PCDH15: variants seen among roughly 807,000 people sequenced by gnomAD.
PCDH15 encodes the protein protocadherin-15.
In PCDH15, 129 loss-of-function variants were observed where a neutral mutation model predicts 178.5. The observed-to-expected ratio is 0.72, with a 90% confidence interval of 0.63 to 0.84. PCDH15 has a LOEUF of 0.84. Among genes scored for constraint, PCDH15 ranks in the 40% least tolerant of loss-of-function variants. PCDH15 has a pLI of 0.00. For synonymous variants in PCDH15, 800 were observed against 732.0 expected (o/e 1.09, Z -1.50); for missense variants, 2,230 against 2,099.9 (o/e 1.06, Z -1.21).
intron 3 of PCDH15, among the ~76,000 whole-genome samples, chr10:54,834,972 C>A (rs1953290204): frequency 1.3e-5 from 2 of 152,112 alleles, no homozygotes; most frequent in Admixed American, 6.6e-5. Context: ...TCATGCAGCA[C>A]ATGGATTGAG....
At chr10:54,583,070 A>AT (rs2091179028) in intron 2 of PCDH15, among the ~76,000 whole-genome samples, 1 of 152,042 alleles carries the variant, frequency 6.6e-6, no homozygotes, top group Non-Finnish European at 1.5e-5. Flanking sequence ...AATCTCTTGC[A>AT]TACCTTTTCT....
chr10:55,004,877 T>C (rs1047560522), intron 2 of PCDH15, among the ~76,000 whole-genome samples: 1 of 152,102 alleles, frequency 6.6e-6, no homozygotes, highest in African/African-American at 2.4e-5. Context: ...AATATGGGGA[T>C]AGTTCCAGTA....
At chr10:54,982,614 A>T (rs1839266393) in intron 2 of PCDH15, among the ~76,000 whole-genome samples, 1 of 152,194 alleles carries the variant, frequency 6.6e-6, no homozygotes, top group Admixed American at 6.5e-5. Context: ...TGAGATGCTA[A>T]AGGATAATGA....
intron 26 of PCDH15, among the ~76,000 whole-genome samples, chr10:53,894,471 C>T (rs1004255914): frequency 6.6e-5 from 10 of 152,146 alleles, no homozygotes; most frequent in African/African-American, 2.2e-4. Flanking sequence ...AGAGAGTTTC[C>T]TCATACTTGG....
At chr10:53,888,304 A>AAG (rs1554845196) in intron 26 of PCDH15, among the ~76,000 whole-genome samples, 1 of 88,976 alleles carries the variant, frequency 1.1e-5, no homozygotes, top group Non-Finnish European at 2.0e-5. Flanking sequence ...ATATATATAT[A>AAG]TATATGTATA....
chr10:54,202,704 C>T (rs1009136072), intron 10 of PCDH15, among the ~76,000 whole-genome samples: 6 of 149,904 alleles, frequency 4.0e-5, no homozygotes, highest in African/African-American at 1.2e-4. Flanking sequence ...GCCAGCTACT[C>T]GGGAGGCTGA....
intron 2 of PCDH15, among the ~76,000 whole-genome samples, chr10:54,529,380 G>C (rs1464704105): frequency 6.6e-6 from 1 of 151,998 alleles, no homozygotes; most frequent in Non-Finnish European, 1.5e-5. Context: ...TGATCTCCCA[G>C]AAGTCTTGTT....
chr10:54,768,517 GAT>G (rs1948754876), intron 1 of PCDH15, among the ~76,000 whole-genome samples: 1 of 152,068 alleles, frequency 6.6e-6, no homozygotes, highest in Non-Finnish European at 1.5e-5. Flanking sequence ...ATATTCTCAG[GAT>G]TTCAGAGAAA....
chr10:55,028,549 T>C (rs930983963), intron 2 of PCDH15, among the ~76,000 whole-genome samples: 2 of 152,012 alleles, frequency 1.3e-5, no homozygotes, highest in Admixed American at 6.6e-5. Flanking sequence ...CATTTAACTT[T>C]AAATATTAAA....
rs894573137 is a variant in PCDH15 at position 55,127,002 on chromosome 10, C to A, written c.-80+39574G>T. ...CCACATTCCTCTTTCCTTCAGGTGTCCCCCCACCCCACACACAAAAACTAG... is the reference window on the plus strand; with the variant it reads ...CCACATTCCTCTTTCCTTCAGGTGTACCCCCACCCCACACACAAAAACTAG... On this transcript the variant is annotated intron_variant, in intron 2 of 5. Transcript: ENST00000458638. Among the ~76,000 whole-genome samples, 3 of 151,870 alleles carry A rather than the reference C, an allele frequency of 2.0e-5. No homozygotes were observed. In the East Asian group the frequency reaches 5.8e-4, roughly 29 times the overall value.
chr10:54,160,190 C>A (rs904268661), intron 13 of PCDH15, among the ~76,000 whole-genome samples: 1 of 152,096 alleles, frequency 6.6e-6, no homozygotes, highest in Non-Finnish European at 1.5e-5. Flanking sequence ...CCCCCCCCAA[C>A]AAGCTGGGGA....
At chr10:54,993,176 G>T (rs1310951330) in intron 2 of PCDH15, among the ~76,000 whole-genome samples, 1 of 152,120 alleles carries the variant, frequency 6.6e-6, no homozygotes, top group Non-Finnish European at 1.5e-5. Flanking sequence ...GAATATGGGG[G>T]TCGATGAGGG....
intron 2 of PCDH15, among the ~76,000 whole-genome samples, chr10:55,483,238 G>T (rs1840221131): frequency 6.6e-6 from 1 of 151,190 alleles, no homozygotes; most frequent in Admixed American, 6.6e-5. Flanking sequence ...ATGCATCAAA[G>T]GTCTAATGTC....
chr10:54,580,903 T>G (rs561229442), intron 2 of PCDH15, among the ~76,000 whole-genome samples: 1 of 151,962 alleles, frequency 6.6e-6, no homozygotes, highest in Non-Finnish European at 1.5e-5. Context: ...ATCTAACATC[T>G]CTTCATGATA....
intron 21 of PCDH15, among the ~76,000 whole-genome samples, chr10:53,963,060 T>G (rs1258242616): frequency 6.6e-6 from 1 of 152,206 alleles, no homozygotes; most frequent in Non-Finnish European, 1.5e-5. Flanking sequence ...GAAGAAGAAG[T>G]AAGAACATTA....
At chr10:54,253,082 T>C (rs1003101228) in intron 8 of PCDH15, among the ~76,000 whole-genome samples, 2 of 151,960 alleles carry the variant, frequency 1.3e-5, no homozygotes, top group Non-Finnish European at 1.5e-5. Flanking sequence ...AAAGAAGAGA[T>C]ACATTTTGGG....
chr10:55,174,475 C>T (rs1564862354), intron 1 of PCDH15, among the ~76,000 whole-genome samples: 1 of 151,370 alleles, frequency 6.6e-6, no homozygotes, highest in African/African-American at 2.4e-5. Flanking sequence ...TATTTTCACA[C>T]TGTCCTGCAG....
intron 2 of PCDH15, among the ~76,000 whole-genome samples, chr10:55,094,902 C>CCAAAAAACAAAAAA (rs1404420752): frequency 3.3e-5 from 5 of 149,300 alleles, no homozygotes; most frequent in Admixed American, 1.3e-4. Flanking sequence ...TGAAAACACA[C>CCAAAAAACAAAAAA]CAAAAAACAA....
At chr10:54,441,415 T>C in intron 3 of PCDH15, among the ~76,000 whole-genome samples, 1 of 151,896 alleles carries the variant, frequency 6.6e-6, no homozygotes, top group East Asian at 1.9e-4. Flanking sequence ...TGTCCATGAG[T>C]CAGCTCTTCT....
Sources: gnomAD v4.1 joint callset for allele counts (sites outside exome capture counted in the v4.1 genomes callset) on GRCh38, gnomAD v4.1.1 for gene constraint, MANE v1.5 for transcripts, NCBI Gene and HGNC (gene_info 2026-07-23, HGNC 2026-07-21) for gene names.